Variants in SEL1L3 observed in about 807,000 individuals in gnomAD.
SEL1L3 encodes SEL1L family member 3.
In SEL1L3, 76 loss-of-function variants were observed where a neutral mutation model predicts 142.8. That is an observed-to-expected ratio of 0.53 (90% CI 0.44 to 0.64). The LOEUF (loss-of-function observed/expected upper bound fraction) is 0.64, where lower values mean the gene tolerates loss of function less well. Among genes scored for constraint, SEL1L3 ranks in the 30% least tolerant of loss-of-function variants. The pLI is 0.00. For missense variants in SEL1L3, 1,262 were observed against 1,381.7 expected, an observed-to-expected ratio of 0.91 and a Z score of 1.37; for synonymous variants, 504 against 519.6, an observed-to-expected ratio of 0.97 and a Z score of 0.41.
chr4:25,802,102 T>A (rs573767990), intron 11 of SEL1L3, among the ~76,000 whole-genome samples, 181 bp downstream of exon 11: 1 of 152,308 alleles, frequency 6.6e-6, no homozygotes, highest in African/African-American at 2.4e-5. Flanking sequence ...GGGCTGCCCC[T>A]GCATTCAGCC....
rs535613253 is a variant in SEL1L3 at position 25,836,401 on chromosome 4, C to T, written c.734-1078G>A. 2.6e-5 allele frequency among the ~76,000 whole-genome samples: 4 copies of T among 152,242 alleles called. No individual in the cohort carries two copies. The South Asian group carries it at 8.3e-4, about 32-fold the overall frequency. On this transcript the variant is annotated intron_variant, in intron 2 of 23. Coordinates refer to ENST00000399878, the MANE Select transcript of SEL1L3 (RefSeq NM_015187.5). The stretch of plus-strand genomic sequence containing the variant: ...GTGGCTCACACCTGTAATTCTAGCA[C>T]TTTGGGAGGCCAAAGTGGGCAGATC...
At chr4:25,793,452 T>G (rs938494216) in intron 11 of SEL1L3, among the ~76,000 whole-genome samples, 4 of 152,000 alleles carry the variant, frequency 2.6e-5, no homozygotes, top group Non-Finnish European at 4.4e-5. Flanking sequence ...CCCAGCTATT[T>G]TTTTTGTATT....
the SEL1L3 span, chr4:25,720,359 T>A: frequency 6.6e-6 from 1 of 152,138 alleles, no homozygotes; most frequent in Admixed American, 6.5e-5. Context: ...TACATATAAA[T>A]ATTAAGTTGT....
At chr4:25,728,860 CAAAAAA>C in the SEL1L3 span, among the ~76,000 whole-genome samples, 1 of 95,148 alleles carries the variant, frequency 1.1e-5, no homozygotes. Flanking sequence ...AGACTTGTGT[CAAAAAA>C]AAAAAAAAAA....
intron 16 of SEL1L3, among the ~76,000 whole-genome samples, chr4:25,778,582 A>G (rs745738488): frequency 1.3e-5 from 2 of 152,200 alleles, no homozygotes; most frequent in Non-Finnish European, 2.9e-5. Flanking sequence ...TACTAATGTA[A>G]CCAAAATGAT....
At chr4:25,834,188 C>T (rs147695195) in intron 3 of SEL1L3, among the ~76,000 whole-genome samples, 2 of 151,924 alleles carry the variant, frequency 1.3e-5, no homozygotes, top group Non-Finnish European at 2.9e-5. Context: ...CTATTTTAGT[C>T]GAAAAAAATA....
At chr4:25,729,423 A>G in the SEL1L3 span, among the ~76,000 whole-genome samples, 1 of 152,214 alleles carries the variant, frequency 6.6e-6, no homozygotes, top group Non-Finnish European at 1.5e-5. Context: ...TGTTAAATAC[A>G]TATATTTAGG....
chr4:25,741,869 C>T, the SEL1L3 span, among the ~76,000 whole-genome samples: 11 of 151,754 alleles, frequency 7.2e-5, no homozygotes, highest in African/African-American at 1.2e-4. Context: ...ATTGCAATGG[C>T]GTGATCTTGA....
chr4:25,820,422 G>A (rs546660296), intron 7 of SEL1L3, among the ~76,000 whole-genome samples: 69 of 152,296 alleles, frequency 4.5e-4, no homozygotes, highest in African/African-American at 1.6e-3. Flanking sequence ...CGATGTATCC[G>A]TTCCTGCCTC....
chr4:25,751,814 A>C (rs1717610282), intron 23 of SEL1L3, among the ~76,000 whole-genome samples: 1 of 151,882 alleles, frequency 6.6e-6, no homozygotes, highest in South Asian at 2.1e-4. Flanking sequence ...AAATGCTTTA[A>C]AAAATAGTTG....
intron 17 of SEL1L3, chr4:25,773,522 A>G (rs1265481169): frequency 5.3e-5 from 8 of 152,184 alleles, no homozygotes; most frequent in Non-Finnish European, 8.8e-5. Context: ...CTTCCGTTCA[A>G]ATGCTCGGCT....
the SEL1L3 span, among the ~76,000 whole-genome samples, chr4:25,730,555 C>T: frequency 6.6e-6 from 1 of 152,124 alleles, no homozygotes; most frequent in Non-Finnish European, 1.5e-5. Flanking sequence ...AGCCTGCCAG[C>T]TGCTTGTGGT....
At chr4:25,806,041 G>GT (rs33956733) in intron 9 of SEL1L3, among the ~76,000 whole-genome samples, 32,120 of 134,628 alleles carry the variant, frequency 0.24, 4,439 homozygotes, top group Admixed American at 0.31. Context: ...TGTTTTGTTT[G>GT]TTTTTTTTTT....
At chr4:25,742,330 C>A in the SEL1L3 span, among the ~76,000 whole-genome samples, 658 of 152,142 alleles carry the variant, frequency 4.3e-3, 3 homozygotes, top group Admixed American at 7.0e-3. Context: ...GGACCACAGA[C>A]ATGCACCACC....
intron 17 of SEL1L3, among the ~76,000 whole-genome samples, chr4:25,774,135 T>C (rs1719433334): frequency 6.6e-6 from 1 of 152,044 alleles, no homozygotes; most frequent in South Asian, 2.1e-4. Context: ...GCAATCATGA[T>C]CCATGGAAGA....
intron 11 of SEL1L3, among the ~76,000 whole-genome samples, chr4:25,795,924 GAAA>G (rs56159949): frequency 6.9e-6 from 1 of 145,086 alleles, no homozygotes; most frequent in Non-Finnish European, 1.5e-5. Flanking sequence ...TGGACTGGGA[GAAA>G]AAAAAAAAAA....
chr4:25,845,492 T>C (rs1716450567), intron 2 of SEL1L3, among the ~76,000 whole-genome samples: 1 of 152,292 alleles, frequency 6.6e-6, no homozygotes. Context: ...TGAAACCCTG[T>C]CTCAAAACAA....
intron 23 of SEL1L3, 100 bp from the exon 24 acceptor site, chr4:25,748,664 C>T: frequency 7.8e-7 from 1 of 1,288,946 alleles, no homozygotes. Context: ...AGAGATGCAT[C>T]TAGTCTAATG....
At chr4:25,722,624 C>T in the SEL1L3 span, among the ~76,000 whole-genome samples, 15,392 of 103,190 alleles carry the variant, frequency 0.15, 950 homozygotes, top group Middle Eastern at 0.19. Context: ...CCAAAGGAGG[C>T]TTTTTTTTTT....
Sources: allele counts gnomAD v4.1 joint callset (sites outside exome capture counted in the v4.1 genomes callset), GRCh38; gene constraint gnomAD v4.1.1; transcripts MANE v1.5; gene names NCBI Gene and HGNC (gene_info 2026-07-23, HGNC 2026-07-21).